Variants in ATXN7L1 observed in about 807,000 individuals in gnomAD.
ATXN7L1 encodes the protein ataxin 7 like 1, also known as ataxin-7-like protein 1.
Under a neutral mutation model 70.8 loss-of-function variants are expected in ATXN7L1, and 15 were observed. The observed-to-expected ratio is 0.21, with a 90% CI of 0.14 to 0.33. The LOEUF (loss-of-function observed/expected upper bound fraction) is 0.33. Ranked by LOEUF, ATXN7L1 falls within the 10% of genes least tolerant of loss-of-function variation. ATXN7L1 has a pLI of 1.00. For synonymous variants in ATXN7L1, 440 were observed against 445.1 expected, an observed-to-expected ratio of 0.99 and a Z score of 0.14; for missense variants, 975 against 1,097.1, an observed-to-expected ratio of 0.89 and a Z score of 1.57.
At chr7:105,714,333 A>G (rs2116278817) in intron 3 of ATXN7L1, among the ~76,000 whole-genome samples, 1 of 152,284 alleles carries the variant, frequency 6.6e-6, no homozygotes, top group Admixed American at 6.5e-5. Flanking sequence ...GAAATGCCCC[A>G]CCCTCCTGAC....
rs534404599 is a variant in ATXN7L1 at position 105,795,154 on chromosome 7, C to T, written c.251-6446G>A. ...GGGATGGAACAGAACTCAGTTGTGA[C>T]GTAAGGAGACACAAAGTTTGGGACA... On this transcript the variant is annotated intron_variant, in intron 2 of 11. Transcript: ENST00000419735. Among the ~76,000 whole-genome samples the T allele has an allele frequency of 1.4e-4, 21 of 152,280 alleles. No individual in the cohort carries two copies. The East Asian group carries it at 1.7e-3, about 13-fold the overall frequency.
At chr7:105,774,287 C>T (rs1166246798) in intron 3 of ATXN7L1, among the ~76,000 whole-genome samples, 1 of 151,820 alleles carries the variant, frequency 6.6e-6, no homozygotes, top group Admixed American at 6.6e-5. Context: ...GTGTCACTAT[C>T]AGGATGATGC....
Position 105,792,815 on chromosome 7 carries a change from C to A in ATXN7L1, c.251-4107G>T, listed in dbSNP as rs115425504. Among the ~76,000 whole-genome samples, 1,162 of 152,296 alleles carry A rather than the reference C, an allele frequency of 7.6e-3. 17 individuals carry two copies. The highest frequency in any genetic ancestry group is 0.027 in the African/African-American group (1,117 of 41,558). On this transcript the variant is annotated intron_variant, in intron 2 of 11. Transcript: ENST00000419735. Reference sequence around the variant, plus strand: ...TTGTTAAATATTTACTGGTACACCACTGAATAAAAACGGGCAAAAAAGTGA... The same window carrying A: ...TTGTTAAATATTTACTGGTACACCAATGAATAAAAACGGGCAAAAAAGTGA...
intron 2 of ATXN7L1, among the ~76,000 whole-genome samples, chr7:105,841,004 G>T (rs1404550201): frequency 6.6e-6 from 1 of 152,216 alleles, no homozygotes; most frequent in East Asian, 1.9e-4. Context: ...TGCATTTTGG[G>T]TAAGGCCAGG....
chr7:105,770,933 G>A (rs900809358), intron 3 of ATXN7L1, among the ~76,000 whole-genome samples: 2 of 152,078 alleles, frequency 1.3e-5, no homozygotes, highest in African/African-American at 4.8e-5. Flanking sequence ...TAGGTGCAGT[G>A]GCTCATGTCT....
intron 3 of ATXN7L1, among the ~76,000 whole-genome samples, chr7:105,746,018 T>A (rs1798546198): frequency 6.6e-6 from 1 of 152,214 alleles, no homozygotes; most frequent in Admixed American, 6.5e-5. Context: ...CAGTGGACCA[T>A]TCCCCCAGTG....
intron 3 of ATXN7L1, chr7:105,761,420 A>G: frequency 6.2e-7 from 1 of 1,613,620 alleles, no homozygotes; most frequent in Non-Finnish European, 8.5e-7. Context: ...TCTCTGGTCC[A>G]CTCCTGGAGA....
chr7:105,750,858 C>G (rs1325413946), intron 3 of ATXN7L1, among the ~76,000 whole-genome samples: 2 of 152,130 alleles, frequency 1.3e-5, no homozygotes, highest in Non-Finnish European at 2.9e-5. Context: ...TGGCAAGCGG[C>G]TTTTCCTTTT....
intron 3 of ATXN7L1, chr7:105,788,381 T>G: frequency 1.9e-6 from 1 of 525,040 alleles, no homozygotes; most frequent in Non-Finnish European, 3.5e-6. Context: ...CCGAGACAAG[T>G]TGCAGGTTTT....
chr7:105,711,138 G>C (rs965328091), intron 3 of ATXN7L1, among the ~76,000 whole-genome samples: 1 of 152,040 alleles, frequency 6.6e-6, no homozygotes, highest in Non-Finnish European at 1.5e-5. Context: ...ATTTGGGTGG[G>C]GACACAGAGC....
rs1386562339 is a variant in ATXN7L1 at position 105,613,983 on chromosome 7, C to G, written c.2351G>C (p.Ser784Thr). 9 of 1,552,190 alleles carry G rather than the reference C, an allele frequency of 5.8e-6. No homozygotes were observed. Among genetic ancestry groups the G allele is most frequent in the Non-Finnish European group, 7.8e-6 (9 of 1,147,134 alleles). Residue 784 changes from serine (S) to threonine (T), a missense_variant, in exon 10 of 12, where the codon AGT becomes ACT. Physicochemically the swap from Ser to Thr is moderately conservative, Grantham distance 58. Around this residue, in one of 5 missense-constraint regions of ATXN7L1, gnomAD observed 635 missense variants for 699.4 expected, o/e 0.91. Transcript: ENST00000419735. The part of the protein sequence containing the change: ...KSEGKKRKNS[S>T]SSSKACKITK... ...GATTTTACAGGCTTTGCTACTAGAA[C>G]TCGAGTTCTTACGCTTTTTTCCTTC...
intron 7 of ATXN7L1, among the ~76,000 whole-genome samples, chr7:105,635,539 C>A (rs1475007890): frequency 1.3e-5 from 2 of 152,184 alleles, no homozygotes; most frequent in Non-Finnish European, 2.9e-5. Context: ...GATGAGCAAT[C>A]TGAGGTGAGA....
intron 3 of ATXN7L1, chr7:105,788,251 C>T: frequency 4.4e-6 from 1 of 229,608 alleles, no homozygotes; most frequent in Admixed American, 4.8e-5. Flanking sequence ...TCCTGACCCT[C>T]TTTCAGGGGG....
chr7:105,778,565 G>A (rs1584983374), intron 3 of ATXN7L1, among the ~76,000 whole-genome samples: 2 of 139,050 alleles, frequency 1.4e-5, no homozygotes, highest in Non-Finnish European at 1.6e-5. Flanking sequence ...AAGTTATGAA[G>A]ATCCTATTAA....
intron 3 of ATXN7L1, among the ~76,000 whole-genome samples, chr7:105,711,277 C>A (rs983961118): frequency 1.3e-5 from 2 of 152,154 alleles, no homozygotes; most frequent in Non-Finnish European, 2.9e-5. Context: ...CTGTCCCTGG[C>A]CCCTCCCAAA....
intron 2 of ATXN7L1, among the ~76,000 whole-genome samples, chr7:105,838,548 G>A (rs1273591628): frequency 3.3e-5 from 5 of 152,130 alleles, no homozygotes; most frequent in African/African-American, 1.2e-4. Context: ...TGCAGAAATC[G>A]GTTAGATTCT....
intron 3 of ATXN7L1, among the ~76,000 whole-genome samples, chr7:105,667,166 G>A (rs1368700569): frequency 6.6e-6 from 1 of 152,150 alleles, no homozygotes; most frequent in Non-Finnish European, 1.5e-5. Context: ...CAACCCCTGT[G>A]ACACAGGCAG....
intron 7 of ATXN7L1, among the ~76,000 whole-genome samples, chr7:105,630,724 AAAT>A (rs869097959): frequency 2.5e-3 from 9 of 3,550 alleles, no homozygotes; most frequent in Non-Finnish European, 0.011. Context: ...CTCAAAAAAT[AAAT>A]AAATAAATAA....
chr7:105,641,271 A>G (rs1270677364), intron 5 of ATXN7L1, among the ~76,000 whole-genome samples: 3 of 112,964 alleles, frequency 2.7e-5, no homozygotes, highest in African/African-American at 1.1e-4. Context: ...AAAACCTGCT[A>G]GGCCTGGAGA....
Sources: allele counts gnomAD v4.1 joint callset (sites outside exome capture counted in the v4.1 genomes callset), GRCh38; gene constraint gnomAD v4.1.1; regional missense constraint gnomAD v4.1.1; transcripts MANE v1.5; gene names NCBI Gene and HGNC (gene_info 2026-07-23, HGNC 2026-07-21).